Variants in PTTG1IP2 observed in about 807,000 individuals in gnomAD.
PTTG1IP2 encodes the protein PTTG1IP family member 2.
intron 6 of PTTG1IP2, among the ~76,000 whole-genome samples, chr7:90,503,828 A>G (rs972126397): frequency 2.6e-5 from 4 of 152,232 alleles, no homozygotes; most frequent in African/African-American, 9.6e-5. Context: ...TATTGTGAGG[A>G]TTACCAAAAT....
At chr7:90,489,153 A>G (rs1229310392) in intron 4 of PTTG1IP2, among the ~76,000 whole-genome samples, 189 bp downstream of exon 4, 1 of 151,564 alleles carries the variant, frequency 6.6e-6, no homozygotes, top group Admixed American at 6.6e-5. Context: ...TAACTTTCTC[A>G]TCCCCCACCC....
intron 3 of PTTG1IP2, among the ~76,000 whole-genome samples, 153 bp downstream of exon 3, chr7:90,487,573 T>A (rs764575929): frequency 6.6e-6 from 1 of 152,202 alleles, no homozygotes; most frequent in East Asian, 1.9e-4. Context: ...TGTATACCTA[T>A]GTAGCAAACC....
intron 1 of PTTG1IP2, among the ~76,000 whole-genome samples, chr7:90,476,693 A>G (rs1322751343): frequency 6.6e-6 from 1 of 152,194 alleles, no homozygotes; most frequent in Non-Finnish European, 1.5e-5. Flanking sequence ...AAAAAGTGAT[A>G]TTCCATATTG....
At chr7:90,495,210 G>C (rs1248815704) in intron 6 of PTTG1IP2, among the ~76,000 whole-genome samples, 2 of 152,118 alleles carry the variant, frequency 1.3e-5, no homozygotes, top group Non-Finnish European at 2.9e-5. Flanking sequence ...TATTGTTTTG[G>C]TGACTTTGAG....
chr7:90,491,962 C>T (rs550590795), intron 4 of PTTG1IP2, among the ~76,000 whole-genome samples: 2 of 151,982 alleles, frequency 1.3e-5, no homozygotes, highest in Non-Finnish European at 2.9e-5. Context: ...GAAACCCTGT[C>T]TCTACTAAAA....
chr7:90,490,888 G>A (rs539129273), intron 4 of PTTG1IP2, among the ~76,000 whole-genome samples: 2 of 152,178 alleles, frequency 1.3e-5, no homozygotes, highest in East Asian at 1.9e-4. Flanking sequence ...TCCAACAACT[G>A]TACTCAGTTC....
At chr7:90,476,042 G>C (rs995809700) in intron 1 of PTTG1IP2, among the ~76,000 whole-genome samples, 14 of 151,948 alleles carry the variant, frequency 9.2e-5, no homozygotes, top group African/African-American at 2.7e-4. Context: ...CTGTGCTCTA[G>C]AAGGTATACA....
chr7:90,485,735 C>T (rs942896845), intron 2 of PTTG1IP2, among the ~76,000 whole-genome samples: 5 of 152,104 alleles, frequency 3.3e-5, no homozygotes, highest in African/African-American at 9.7e-5. Flanking sequence ...TTTAGGAGCT[C>T]GCCTGTGGTG....
intron 1 of PTTG1IP2, among the ~76,000 whole-genome samples, chr7:90,478,851 T>TA (rs1007037453): frequency 4.6e-5 from 7 of 151,932 alleles, no homozygotes; most frequent in African/African-American, 1.4e-4. Flanking sequence ...TTTTACTATT[T>TA]AAAGGGTTAA....
chr7:90,498,578 G>A (rs17870028), intron 6 of PTTG1IP2, among the ~76,000 whole-genome samples: 10 of 152,170 alleles, frequency 6.6e-5, no homozygotes, highest in South Asian at 2.1e-4. Context: ...GACAAAGAAC[G>A]TCATTATATA....
chr7:90,477,295 C>G (rs1043340239), intron 1 of PTTG1IP2, among the ~76,000 whole-genome samples: 2 of 152,106 alleles, frequency 1.3e-5, no homozygotes, highest in Non-Finnish European at 2.9e-5. Context: ...AAGAAAGAAC[C>G]TACTGATTCA....
chr7:90,500,173 C>T (rs565704063), intron 6 of PTTG1IP2, among the ~76,000 whole-genome samples: 2 of 151,972 alleles, frequency 1.3e-5, no homozygotes, highest in Non-Finnish European at 2.9e-5. Flanking sequence ...AAGATTGTGC[C>T]GCTGCACTCC....
At chr7:90,495,771 G>T (rs1439186331) in intron 6 of PTTG1IP2, among the ~76,000 whole-genome samples, 4 of 152,150 alleles carry the variant, frequency 2.6e-5, no homozygotes, top group Admixed American at 6.5e-5. Context: ...GAGTGAAAGG[G>T]CCACTATTAA....
At chr7:90,483,052 G>A (rs1416824791) in intron 2 of PTTG1IP2, among the ~76,000 whole-genome samples, 1 of 152,154 alleles carries the variant, frequency 6.6e-6, no homozygotes, top group African/African-American at 2.4e-5. Flanking sequence ...TTGTGTGTGT[G>A]TGTGTGGTAG....
At chr7:90,474,765 A>G (rs574207999) in intron 1 of PTTG1IP2, among the ~76,000 whole-genome samples, 1 of 152,328 alleles carries the variant, frequency 6.6e-6, no homozygotes, top group Admixed American at 6.5e-5. Context: ...GCCTATATAC[A>G]TACACCTAAA....
Sources: gnomAD v4.1 joint callset for allele counts (sites outside exome capture counted in the v4.1 genomes callset) on GRCh38, gnomAD v4.1.1 for gene constraint, MANE v1.5 for transcripts, NCBI Gene and HGNC (gene_info 2026-07-23, HGNC 2026-07-21) for gene names.